The following COPG2 variants were observed in gnomAD, a reference collection of about 807,000 sequenced individuals.
The protein encoded by COPG2 is coat protein complex I subunit gamma 2.
Under a neutral mutation model 46.3 loss-of-function variants are expected in COPG2, and 37 were observed. That is an observed-to-expected ratio of 0.80 (90% CI 0.61 to 1.05). COPG2 has a LOEUF of 1.05. Ranked by LOEUF, COPG2 falls within the 50% of genes least tolerant of loss-of-function variation. COPG2 has a pLI of 0.00. For missense variants in COPG2, 427 were observed against 387.8 expected (o/e 1.10, Z -0.85); for synonymous variants, 159 against 129.7 (o/e 1.23, Z -1.53).
chr7:130,638,221 G>A (rs1795383949), intron 5 of COPG2, among the ~76,000 whole-genome samples: 1 of 152,174 alleles, frequency 6.6e-6, no homozygotes, highest in Admixed American at 6.5e-5. Flanking sequence ...CACTTGAGGA[G>A]GTAGTCTGAC....
intron 5 of COPG2, among the ~76,000 whole-genome samples, chr7:130,647,730 A>ATT (rs35878935): frequency 3.0e-5 from 4 of 131,816 alleles, no homozygotes; most frequent in Non-Finnish European, 4.9e-5. Flanking sequence ...CCTCATTAAG[A>ATT]TTTTTTTTTT....
intron 9 of COPG2, among the ~76,000 whole-genome samples, chr7:130,573,312 T>C (rs1197369801): frequency 6.6e-6 from 1 of 151,002 alleles, no homozygotes; most frequent in Non-Finnish European, 1.5e-5. Flanking sequence ...TTTCAGAAAA[T>C]AAATGAGAAA....
At chr7:130,668,566 GGTGGCGGCGGGC>G (rs1238636469) in intron 1 of COPG2, 54 bp downstream of exon 1, 2 of 1,432,744 alleles carry the variant, frequency 1.4e-6, no homozygotes, top group Non-Finnish European at 1.9e-6. Context: ...CCTGAAAGCA[GGTGGCGGCGGGC>G]GGGGGAAGGG....
In COPG2 at chr7:130,552,438, G is replaced by A. The variant is rs886567099; in HGVS notation, c.1469-8C>T. 5.8e-5 allele frequency: 23 copies of A among 398,194 alleles called. No homozygotes were observed. The highest frequency in any genetic ancestry group is 4.7e-4 in the African/African-American group (23 of 48,678). The allele number at this position is 398,194 out of a possible 1,614,324, so 24.7% of individuals were successfully genotyped here. On this transcript the variant is annotated splice_polypyrimidine_tract_variant and splice_region_variant and intron_variant, in intron 14 of 23. Coordinates refer to ENST00000425248, the MANE Select transcript of COPG2 (RefSeq NM_012133.6). ...CCAAAGCACTCACAGCAGCTATAATGAAGCATACAATTATGGTACATAAAT... is the reference window on the plus strand; with the variant it reads ...CCAAAGCACTCACAGCAGCTATAATAAAGCATACAATTATGGTACATAAAT...
chr7:130,562,669 TG>T (rs2116403707), intron 11 of COPG2, among the ~76,000 whole-genome samples: 1 of 152,346 alleles, frequency 6.6e-6, no homozygotes, highest in South Asian at 2.1e-4. Flanking sequence ...GTAAATATAC[TG>T]GATGTCAAAA....
In COPG2 at chr7:130,632,739, A is replaced by G. The variant is rs1795254785; in HGVS notation, c.324-15674T>C. Among the ~76,000 whole-genome samples the G allele has an allele frequency of 2.0e-5, 3 of 151,994 alleles. No homozygotes were observed. In the South Asian group the frequency reaches 6.2e-4, roughly 32 times the overall value. On this transcript the variant is annotated intron_variant, in intron 5 of 23. Coordinates refer to ENST00000425248, the MANE Select transcript of COPG2 (RefSeq NM_012133.6). ...CTCCATTCTGCTACTGAGATGAACCAATGATTTTTTTTATTATTATTATAC... is the reference window on the plus strand; with the variant it reads ...CTCCATTCTGCTACTGAGATGAACCGATGATTTTTTTTATTATTATTATAC...
At chr7:130,616,843 T>G (rs1584582279) in intron 6 of COPG2, 147 bp downstream of exon 6, 1 of 517,500 alleles carries the variant, frequency 1.9e-6, no homozygotes, top group Non-Finnish European at 3.5e-6. Context: ...AAAGAAAGCC[T>G]GGAGCCACAA....
intron 9 of COPG2, among the ~76,000 whole-genome samples, chr7:130,596,241 T>C (rs1794524783): frequency 6.6e-6 from 1 of 152,158 alleles, no homozygotes; most frequent in African/African-American, 2.4e-5. Context: ...TGGGAACTGT[T>C]TTCCCTTTCC....
chr7:130,510,911 CACAG>C (rs781952363), intron 20 of COPG2: 1 of 519,898 alleles, frequency 1.9e-6, no homozygotes, highest in Admixed American at 1.9e-5. Flanking sequence ...ATGAGAGTTA[CACAG>C]ACAAAGCAAG....
chr7:130,528,112 A>G (rs1196132056), intron 20 of COPG2, among the ~76,000 whole-genome samples: 1 of 152,030 alleles, frequency 6.6e-6, no homozygotes, highest in Admixed American at 6.6e-5. Flanking sequence ...AGGAGGACCC[A>G]GGAGGAGCGG....
chr7:130,624,346 T>G (rs76253486), intron 5 of COPG2, among the ~76,000 whole-genome samples: 3,226 of 152,284 alleles, frequency 0.021, 91 homozygotes, highest in African/African-American at 0.066. Context: ...TCTTTTTGGT[T>G]GTTGTTGTAA....
chr7:130,514,241 C>T (rs1799656642), intron 20 of COPG2, among the ~76,000 whole-genome samples: 1 of 152,198 alleles, frequency 6.6e-6, no homozygotes, highest in Admixed American at 6.5e-5. Context: ...TAGGGCAGCA[C>T]TTAAAGACAC....
At chr7:130,613,520 C>CTTA (rs1462681696) in intron 7 of COPG2, 24 bp downstream of exon 7, 20 of 1,425,016 alleles carry the variant, frequency 1.4e-5, no homozygotes, top group Non-Finnish European at 2.0e-5. Context: ...TGCTTAAGAA[C>CTTA]TAGGAAGCTG....
intron 9 of COPG2, among the ~76,000 whole-genome samples, chr7:130,590,381 G>C (rs1345167775): frequency 6.6e-6 from 1 of 152,170 alleles, no homozygotes; most frequent in Admixed American, 6.5e-5. Context: ...TCAGCCTGCC[G>C]AGTGCCTGCG....
At chr7:130,591,580 C>T (rs1317916032) in intron 9 of COPG2, among the ~76,000 whole-genome samples, 7 of 132,354 alleles carry the variant, frequency 5.3e-5, no homozygotes, top group Admixed American at 3.7e-4. Flanking sequence ...CCCGGCCAGC[C>T]GCCCCGTCCG....
rs906370445 is a variant in COPG2 at position 130,554,706 on chromosome 7, G to T, written c.1243C>A (p.Arg415=). Residue 415 remains arginine (R), a synonymous_variant, in exon 14 of 24, where the codon CGG becomes AGG. Coordinates refer to ENST00000425248, the MANE Select transcript of COPG2 (RefSeq NM_012133.6). The part of the protein sequence containing the change: ...LRDDGGFEYK[R]AIVDCIISIV... The stretch of plus-strand genomic sequence containing the variant: ...CTGATTATACAGTCCACAATGGCCC[G>T]CTTGTACTCAAAGCCTCCCTGGCAA... 1.8e-5 allele frequency: 7 copies of T among 398,552 alleles called. No homozygotes were observed. The highest frequency in any genetic ancestry group is 1.2e-4 in the African/African-American group (6 of 48,702). 24.7% of individuals were successfully genotyped at this position (398,552 alleles called of 1,614,324 possible).
intron 9 of COPG2, among the ~76,000 whole-genome samples, chr7:130,585,964 C>T (rs188605840): frequency 7.7e-4 from 117 of 152,160 alleles, no homozygotes; most frequent in African/African-American, 2.6e-3. Context: ...AATCCCACTA[C>T]GCAGTATCTA....
intron 20 of COPG2, among the ~76,000 whole-genome samples, chr7:130,535,833 T>A (rs1296308193): frequency 6.6e-6 from 1 of 151,782 alleles, no homozygotes; most frequent in African/African-American, 2.4e-5. Context: ...GGTTGATGAA[T>A]ACAGGCTAGA....
intron 5 of COPG2, among the ~76,000 whole-genome samples, chr7:130,635,548 G>C (rs913362873): frequency 2.6e-5 from 4 of 152,112 alleles, no homozygotes; most frequent in African/African-American, 9.7e-5. Flanking sequence ...TGTGGGATCA[G>C]TGGTGATATC....
Sources: allele counts gnomAD v4.1 joint callset (sites outside exome capture counted in the v4.1 genomes callset), GRCh38; gene constraint gnomAD v4.1.1; transcripts MANE v1.5; gene names NCBI Gene and HGNC (gene_info 2026-07-23, HGNC 2026-07-21).